CLEC9A: variants seen among roughly 807,000 people sequenced by gnomAD.
CLEC9A encodes C-type lectin domain family 9 member A.
Under a neutral mutation model 30.0 loss-of-function variants are expected in CLEC9A, and 24 were observed. The observed-to-expected ratio is 0.80, with a 90% confidence interval of 0.58 to 1.13. The LOEUF (loss-of-function observed/expected upper bound fraction) is 1.13, where lower values mean the gene tolerates loss of function less well. Ranked by LOEUF, CLEC9A falls within the 50% of genes most tolerant of loss-of-function variation. CLEC9A has a pLI of 0.00. For synonymous variants in CLEC9A, 111 were observed against 96.8 expected, an observed-to-expected ratio of 1.15 and a Z score of -0.86; for missense variants, 251 against 280.9, an observed-to-expected ratio of 0.89 and a Z score of 0.76.
chr12:10,058,654 C>G (rs540676387), intron 5 of CLEC9A, among the ~76,000 whole-genome samples: 1 of 152,356 alleles, frequency 6.6e-6, no homozygotes, highest in African/African-American at 2.4e-5. Context: ...AAGTGCCTCT[C>G]CTGTCTCAGC....
chr12:10,061,201 A>G lies in CLEC9A; in HGVS notation c.247A>G (p.Thr83Ala), dbSNP rs1290497356. Residue 83 changes from threonine to alanine, a missense_variant, in exon 6 of 9, where the codon ACA becomes GCA. Physicochemically the swap from Thr to Ala is moderately conservative, Grantham distance 58 (BLOSUM62 0). Transcript: ENST00000355819. ...IQQERALLNF[T>A]EWKRSCALQM... ...ACAAGAGAGGGCACTGCTAAACTTT[A>G]CAGAATGGAAGAGAAGCTGTGCCCT... is the stretch of plus-strand genomic sequence containing the variant. 1 of 1,612,968 alleles carries G rather than the reference A, an allele frequency of 6.2e-7. No individual in the cohort carries two copies.
chr12:10,033,244 G>A (rs1217307218), intron 1 of CLEC9A, among the ~76,000 whole-genome samples: 2 of 151,482 alleles, frequency 1.3e-5, no homozygotes, highest in Admixed American at 1.3e-4. Context: ...TTAAAATGTT[G>A]TTGTGTCCCA....
chr12:10,056,696 T>C (rs1186518970), intron 5 of CLEC9A, among the ~76,000 whole-genome samples: 1 of 152,130 alleles, frequency 6.6e-6, no homozygotes, highest in East Asian at 1.9e-4. Context: ...TATTTCAATG[T>C]TTACTTTTCG....
intron 4 of CLEC9A, 112 bp downstream of exon 4, chr12:10,052,890 G>T: frequency 2.5e-6 from 3 of 1,210,082 alleles, no homozygotes; most frequent in Non-Finnish European, 3.4e-6. Context: ...TCTACCTAAG[G>T]GTACTGTAAT....
intron 1 of CLEC9A, among the ~76,000 whole-genome samples, chr12:10,034,489 G>A (rs138621025): frequency 3.9e-5 from 6 of 152,210 alleles, no homozygotes; most frequent in South Asian, 2.1e-4. Flanking sequence ...CTTTGCTTTC[G>A]ATGTAAAATT....
At chr12:10,032,502 C>T (rs745625595) in intron 1 of CLEC9A, among the ~76,000 whole-genome samples, 3 of 149,264 alleles carry the variant, frequency 2.0e-5, no homozygotes, top group African/African-American at 7.4e-5. Context: ...GCCATTCTTC[C>T]GCCTCAGCCT....
chr12:10,046,327 A>C (rs1349662081), intron 2 of CLEC9A, among the ~76,000 whole-genome samples: 3 of 152,172 alleles, frequency 2.0e-5, no homozygotes, highest in African/African-American at 7.2e-5. Flanking sequence ...ACATTACACA[A>C]ATACAATTAC....
At chr12:10,065,140 T>C (rs1336996694) in intron 8 of CLEC9A, among the ~76,000 whole-genome samples, 1 of 152,186 alleles carries the variant, frequency 6.6e-6, no homozygotes, top group African/African-American at 2.4e-5. Flanking sequence ...GCTTAATGTT[T>C]AGAGAATAAC....
chr12:10,049,589 A>G (rs1865875818), intron 2 of CLEC9A, among the ~76,000 whole-genome samples: 1 of 152,174 alleles, frequency 6.6e-6, no homozygotes, highest in Non-Finnish European at 1.5e-5. Context: ...TTTTTTTGTT[A>G]GAGATGGGTT....
At chr12:10,036,368 G>A (rs10734817) in intron 1 of CLEC9A, among the ~76,000 whole-genome samples, 90,344 of 152,102 alleles carry the variant, frequency 0.59, 30,047 homozygotes, top group Middle Eastern at 0.81. Context: ...TAGTATTTGT[G>A]TGAAAGCCTG....
intron 2 of CLEC9A, among the ~76,000 whole-genome samples, chr12:10,047,960 C>T (rs928687110): frequency 2.0e-5 from 3 of 151,982 alleles, no homozygotes; most frequent in Middle Eastern, 3.4e-3. Flanking sequence ...GGGCTGGGCG[C>T]GGTGGCTCAC....
intron 1 of CLEC9A, among the ~76,000 whole-genome samples, chr12:10,040,423 G>GT (rs1865782067): frequency 6.7e-6 from 1 of 149,704 alleles, no homozygotes; most frequent in Non-Finnish European, 1.5e-5. Flanking sequence ...TTAATCACGT[G>GT]TATCTAGTAA....
At chr12:10,034,650 A>G (rs968144266) in intron 1 of CLEC9A, among the ~76,000 whole-genome samples, 2 of 152,206 alleles carry the variant, frequency 1.3e-5, no homozygotes, top group African/African-American at 4.8e-5. Context: ...TAAACATATG[A>G]AATGGGAAAA....
intron 1 of CLEC9A, chr12:10,041,030 G>A (rs1865791312): frequency 6.3e-6 from 1 of 157,726 alleles, no homozygotes; most frequent in African/African-American, 2.4e-5. Flanking sequence ...ATCCTCTGAG[G>A]TTAGGAGTTC....
At position 10,041,613 on chromosome 12, in the gene CLEC9A, A is replaced by T; in HGVS notation, c.-170A>T. 1 of 530,766 alleles carries T rather than the reference A, an allele frequency of 1.9e-6. No individual in the cohort carries two copies. Among genetic ancestry groups the T allele is most frequent in the South Asian group, 1.4e-5 (1 of 71,696 alleles). The allele number at this position is 530,766 out of a possible 1,614,324, so 32.9% of individuals were successfully genotyped here. A position where few individuals can be genotyped will look rare whatever the true frequency, so the allele number is the denominator to read the frequency against. On this transcript the variant is annotated 5_prime_UTR_variant, in exon 2 of 9. Transcript: ENST00000355819. Reference sequence around the variant, plus strand: ...ACTCTCCTGAAGACTGACAACCAGAACATTCTGGTAAGAAGATTCTTATGT... The same window carrying T: ...ACTCTCCTGAAGACTGACAACCAGATCATTCTGGTAAGAAGATTCTTATGT...
Position 10,061,233 on chromosome 12 carries a change from G to GA in CLEC9A, c.282dup (p.Tyr95IlefsTer15), listed in dbSNP as rs1422865477. 1.9e-6 allele frequency: 3 copies of GA among 1,611,870 alleles called. No individual in the cohort carries two copies. Among genetic ancestry groups the GA allele is most frequent in the East Asian group, 4.5e-5 (2 of 44,780 alleles). On this transcript the variant is annotated frameshift_variant, in exon 6 of 9. Transcript: ENST00000355819. LOFTEE classifies it high-confidence loss of function. ...GGAAGAGAAGCTGTGCCCTTCAGAT[G>GA]AAATATTGCCAAGCCTTCATGCAAA...
chr12:10,043,211 A>G (rs1865812930), intron 2 of CLEC9A: 2 of 404,636 alleles, frequency 4.9e-6, no homozygotes, highest in Non-Finnish European at 9.9e-6. Context: ...TATGTTTACA[A>G]TAGGAATACA....
intron 1 of CLEC9A, among the ~76,000 whole-genome samples, chr12:10,035,392 C>A (rs1340949732): frequency 6.6e-6 from 1 of 152,146 alleles, no homozygotes; most frequent in Non-Finnish European, 1.5e-5. Context: ...ACTTCTCTGC[C>A]CCACTTCTGT....
intron 1 of CLEC9A, among the ~76,000 whole-genome samples, chr12:10,033,686 T>C (rs570244914): frequency 2.0e-5 from 3 of 152,332 alleles, no homozygotes. Flanking sequence ...ATTATGGAAG[T>C]ATTGTTGATT....
Sources: gnomAD v4.1 joint callset for allele counts (sites outside exome capture counted in the v4.1 genomes callset) on GRCh38, gnomAD v4.1.1 for gene constraint, MANE v1.5 for transcripts, NCBI Gene and HGNC (gene_info 2026-07-23, HGNC 2026-07-21) for gene names.